Variants in DENND2B observed in about 807,000 individuals in gnomAD.
The protein encoded by DENND2B is DENN domain-containing protein 2B.
In DENND2B, 32 loss-of-function variants were observed where a neutral mutation model predicts 116.0. The ratio of observed to expected loss-of-function variants is 0.28; its 90% CI spans 0.21 to 0.37. DENND2B has a LOEUF of 0.37. Ranked by LOEUF, DENND2B falls within the 10% of genes least tolerant of loss-of-function variation. The probability of loss-of-function intolerance (pLI) is 1.00; values close to 1 mark genes in which losing one functional copy is unlikely to be tolerated. For synonymous variants in DENND2B, 588 were observed against 583.9 expected (o/e 1.01, Z -0.10); for missense variants, 1,276 against 1,477.7 (o/e 0.86, Z 2.24).
intron 4 of DENND2B, among the ~76,000 whole-genome samples, chr11:8,719,635 G>A (rs1433732014): frequency 2.0e-5 from 3 of 152,192 alleles, no homozygotes; most frequent in Non-Finnish European, 4.4e-5. Flanking sequence ...CTACCCCACT[G>A]TGGGGCACTT....
Position 8,757,985 on chromosome 11 carries a change from T to G in DENND2B, c.-25-7260A>C, listed in dbSNP as rs182844250. Among the ~76,000 whole-genome samples, 5 of 152,338 alleles carry G rather than the reference T, an allele frequency of 3.3e-5. No individual in the cohort carries two copies. In the East Asian group the frequency reaches 9.7e-4, roughly 29 times the overall value. ...ACCTAGTGAAGGAACAGAGCAGGAA[T>G]GTAGACCCAGCTCTGTCTCACTCCA... is the stretch of plus-strand genomic sequence containing the variant. On this transcript the variant is annotated intron_variant, in intron 1 of 19. Transcript: ENST00000313726.
chr11:8,734,660 G>A (rs1057287998), intron 2 of DENND2B, among the ~76,000 whole-genome samples: 1 of 151,886 alleles, frequency 6.6e-6, no homozygotes, highest in South Asian at 2.1e-4. Context: ...GTGGTGGCAG[G>A]CAACTGTAAT....
intron 14 of DENND2B, 50 bp from the exon 15 acceptor site, chr11:8,699,440 T>TA (rs1264288130): frequency 6.6e-7 from 1 of 1,525,436 alleles, no homozygotes; most frequent in Non-Finnish European, 8.8e-7. Flanking sequence ...CCCAGGAACT[T>TA]AGAGCTCGCT....
At chr11:8,899,620 T>A (rs944951628) in intron 1 of DENND2B, among the ~76,000 whole-genome samples, 9 of 152,082 alleles carry the variant, frequency 5.9e-5, no homozygotes, top group Admixed American at 1.3e-4. Flanking sequence ...AGCCTTTAAA[T>A]GTGAAGGTGA....
intron 1 of DENND2B, among the ~76,000 whole-genome samples, chr11:8,891,119 G>C (rs1339202408): frequency 6.6e-6 from 1 of 152,142 alleles, no homozygotes; most frequent in African/African-American, 2.4e-5. Context: ...TTTCAACCCA[G>C]AATTTCATAT....
At chr11:8,849,675 T>C (rs1006633249) in intron 3 of DENND2B, among the ~76,000 whole-genome samples, 11 of 151,370 alleles carry the variant, frequency 7.3e-5, no homozygotes, top group Middle Eastern at 6.8e-3. Context: ...ATACAAAAAT[T>C]AGCCAGGTGT....
At chr11:8,895,325 A>G (rs1329501126) in intron 1 of DENND2B, among the ~76,000 whole-genome samples, 1 of 152,204 alleles carries the variant, frequency 6.6e-6, no homozygotes, top group Non-Finnish European at 1.5e-5. Context: ...GCAGCACACC[A>G]ACATGGCACA....
intron 1 of DENND2B, among the ~76,000 whole-genome samples, chr11:8,902,144 G>A (rs953302802): frequency 2.6e-5 from 4 of 152,050 alleles, no homozygotes; most frequent in African/African-American, 7.2e-5. Flanking sequence ...TGACCAACAC[G>A]GTGAAACCCT....
chr11:8,730,797 G>A lies in DENND2B; in HGVS notation c.493C>T (p.Arg165Trp), dbSNP rs771065229. The change falls in exon 3 of 20, where the codon CGG becomes TGG. Residue 165 changes from arginine (R) to tryptophan (W), a missense_variant. By Grantham distance (101) the Arg-to-Trp change is moderately radical. Around this residue, in one of 2 missense-constraint regions of DENND2B, gnomAD observed 856 missense variants for 846.6 expected, o/e 1.01. Coordinates refer to ENST00000313726, the MANE Select transcript of DENND2B (RefSeq NM_213618.2). This position sits in a 1 kb window ranked among gnomAD's most constrained non-coding sequence, Gnocchi z 4.1. ...CCTTCCCATGCTGATATCTTCTCCC[G>A]GATGCCCAGGCTGTGGGCGCGGGTA... ...TGTRAHSLGI[R>W]EKISAWEGRR... is the part of the protein sequence containing the mutation. 25 of 1,612,978 alleles carry A rather than the reference G, an allele frequency of 1.5e-5. No homozygotes were observed. The highest frequency in any genetic ancestry group is 8.9e-5 in the East Asian group (4 of 44,868).
intron 1 of DENND2B, among the ~76,000 whole-genome samples, chr11:8,768,436 T>TA (rs1441862486): frequency 2.0e-5 from 3 of 152,000 alleles, no homozygotes; most frequent in African/African-American, 7.2e-5. Context: ...TTTGTAGAGA[T>TA]ACGGGTTTTG....
At chr11:8,745,616 C>A (rs78178266) in intron 2 of DENND2B, among the ~76,000 whole-genome samples, 1 of 152,184 alleles carries the variant, frequency 6.6e-6, no homozygotes, top group Non-Finnish European at 1.5e-5. Context: ...TTCTCTTGAA[C>A]TTGGGCAGCC....
At chr11:8,729,286 C>T (rs926892315) in intron 3 of DENND2B, among the ~76,000 whole-genome samples, 1 of 152,186 alleles carries the variant, frequency 6.6e-6, no homozygotes, top group African/African-American at 2.4e-5. Flanking sequence ...GCTCCAGCTC[C>T]AAGTTACCGG....
Position 8,730,683 on chromosome 11 carries a change from T to C in DENND2B, c.607A>G (p.Ser203Gly). Residue 203 changes from serine to glycine, a missense_variant, in exon 3 of 20, where the codon AGC becomes GGC. Physicochemically the swap from Ser to Gly is moderately conservative, Grantham distance 56. Coordinates refer to ENST00000313726, the MANE Select transcript of DENND2B (RefSeq NM_213618.2). The surrounding 1 kb of genome is among the most constrained non-coding windows in gnomAD (Gnocchi z 4.1). The stretch of plus-strand genomic sequence containing the variant: ...GGCACCACGCTGGGACAGCCCAGGC[T>C]GGGGCAGCCCTCACTGGCCGCCCAC... Reference protein sequence around the residue: ...SEWAASEGCPSLGCPSVVPSP... With the variant: ...SEWAASEGCPGLGCPSVVPSP... 6.2e-7 allele frequency: 1 copy of C among 1,612,056 alleles called. No individual in the cohort carries two copies. Among genetic ancestry groups the C allele is most frequent in the Non-Finnish European group, 8.5e-7 (1 of 1,179,722 alleles).
At chr11:8,789,913 AC>A (rs1221770973) in intron 1 of DENND2B, among the ~76,000 whole-genome samples, 1 of 152,170 alleles carries the variant, frequency 6.6e-6, no homozygotes, top group Non-Finnish European at 1.5e-5. Flanking sequence ...CAACCCCAGA[AC>A]CAGGCAAGTA....
chr11:8,789,591 A>G (rs1368083845), intron 1 of DENND2B, among the ~76,000 whole-genome samples: 1 of 152,170 alleles, frequency 6.6e-6, no homozygotes, highest in Non-Finnish European at 1.5e-5. Flanking sequence ...CCTAAATCTA[A>G]TCAGGTCTCT....
intron 4 of DENND2B, among the ~76,000 whole-genome samples, chr11:8,817,710 C>T (rs1021759646): frequency 2.0e-5 from 3 of 152,132 alleles, no homozygotes; most frequent in African/African-American, 2.4e-5. Context: ...CACAACCCTC[C>T]GTATAAAGCT....
intron 3 of DENND2B, among the ~76,000 whole-genome samples, chr11:8,850,544 A>G (rs1407536841): frequency 6.6e-6 from 1 of 152,142 alleles, no homozygotes; most frequent in Non-Finnish European, 1.5e-5. Context: ...ACAAAAGATA[A>G]TAAGTGTTGG....
At chr11:8,804,455 T>C (rs1012139824) in intron 1 of DENND2B, among the ~76,000 whole-genome samples, 2 of 152,062 alleles carry the variant, frequency 1.3e-5, no homozygotes, top group Non-Finnish European at 2.9e-5. Flanking sequence ...GGAAATCTTG[T>C]ATTATTACAC....
intron 3 of DENND2B, among the ~76,000 whole-genome samples, chr11:8,728,916 CA>C (rs1272206467): frequency 1.3e-5 from 2 of 152,204 alleles, no homozygotes; most frequent in Middle Eastern, 3.2e-3. Context: ...ACAAAGCAAA[CA>C]CTCTTGGCAG....
Sources: gnomAD v4.1 joint callset for allele counts (sites outside exome capture counted in the v4.1 genomes callset) on GRCh38, gnomAD v4.1.1 for gene constraint, gnomAD v4.1.1 regional missense constraint, Gnocchi (gnomAD v3.1) non-coding constraint, MANE v1.5 for transcripts, NCBI Gene and HGNC (gene_info 2026-07-23, HGNC 2026-07-21) for gene names.